Variants in ATR observed in about 807,000 individuals in gnomAD.
The protein encoded by ATR is ATR checkpoint kinase.
Under a neutral mutation model 305.3 loss-of-function variants are expected in ATR, and 142 were observed. The ratio of observed to expected loss-of-function variants is 0.47; its 90% CI spans 0.41 to 0.53. The LOEUF (loss-of-function observed/expected upper bound fraction) is 0.53, where lower values mean the gene tolerates loss of function less well. Among genes scored for constraint, ATR ranks in the 20% least tolerant of loss-of-function variants. The pLI is 0.00. For missense variants in ATR, 2,135 were observed against 3,133.1 expected, an observed-to-expected ratio of 0.68 and a Z score of 7.60; for synonymous variants, 1,050 against 1,068.1, an observed-to-expected ratio of 0.98 and a Z score of 0.33.
intron 46 of ATR, chr3:142,452,293 T>G: frequency 1.0e-6 from 1 of 990,788 alleles, no homozygotes; most frequent in Non-Finnish European, 1.2e-6. Context: ...ATTCATTGTA[T>G]TTAGTAAGCC....
rs1365867448 is a variant in ATR at position 142,562,631 on chromosome 3, C to A, written c.771G>T (p.Gln257His). 1 of 1,613,926 alleles carries A rather than the reference C, an allele frequency of 6.2e-7. No homozygotes were observed. The highest frequency in any genetic ancestry group is 8.5e-7 in the Non-Finnish European group (1 of 1,179,990). ...CTGGTTGTGCTGGTAGTCCTCCAAGCTGAAAAAGTTCTGTTAAAAAGCTAA... is the reference window on the plus strand; with the variant it reads ...CTGGTTGTGCTGGTAGTCCTCCAAGATGAAAAAGTTCTGTTAAAAAGCTAA... ...LAISFLTELF[Q>H]LGGLPAQPAS... Residue 257 changes from glutamine to histidine, a missense_variant, in exon 4 of 47, where the codon CAG (glutamine) becomes CAT (histidine). Around this residue, in one of 9 missense-constraint regions of ATR, gnomAD observed 744 missense variants for 873.2 expected, o/e 0.85. Transcript: ENST00000350721.
At chr3:142,544,090 T>C (rs920634064) in intron 16 of ATR, among the ~76,000 whole-genome samples, 2 of 152,138 alleles carry the variant, frequency 1.3e-5, no homozygotes, top group Admixed American at 6.6e-5. Flanking sequence ...ATAAGTTACT[T>C]AATTCTTCCA....
rs2031648536 is a variant in ATR, at chr3:142,496,402, C to T, written c.5857G>A (p.Ala1953Thr). ...ALLNAGESRL[A>T]ELYVERAKWL... ...TTTGCCCTTTCCACGTACAGTTCAG[C>T]GAGTCGTGATTCCCCTGCATTAAGG... Residue 1953 changes from alanine (A) to threonine (T), a missense_variant, in exon 34 of 47, where the codon GCT becomes ACT. Ala to Thr is a moderately conservative substitution (Grantham distance 58). This residue lies in a region of ATR where 462 missense variants were observed against 887.6 expected (regional missense o/e 0.52). Coordinates refer to ENST00000350721, the MANE Select transcript of ATR (RefSeq NM_001184.4). 5 of 1,594,604 alleles carry T rather than the reference C, an allele frequency of 3.1e-6. No homozygotes were observed. Among genetic ancestry groups the T allele is most frequent in the Non-Finnish European group, 3.4e-6 (4 of 1,171,526 alleles).
At chr3:142,463,152 T>C (rs1189946032) in intron 41 of ATR, among the ~76,000 whole-genome samples, 1 of 152,166 alleles carries the variant, frequency 6.6e-6, no homozygotes, top group African/African-American at 2.4e-5. Flanking sequence ...AAAACTATGT[T>C]AGTAAATATG....
At chr3:142,530,852 A>G (rs1274649067) in intron 21 of ATR, among the ~76,000 whole-genome samples, 6 of 152,184 alleles carry the variant, frequency 3.9e-5, no homozygotes, top group Non-Finnish European at 8.8e-5. Flanking sequence ...CCCTGTAGCC[A>G]GTAGTCTGAC....
At chr3:142,451,934 C>A (rs533588767) in intron 46 of ATR, 9 of 1,242,386 alleles carry the variant, frequency 7.2e-6, no homozygotes, top group Admixed American at 5.3e-5. Flanking sequence ...GTATCCAGTA[C>A]AAGCCAAGTA....
chr3:142,574,516 A>G (rs1235536846), intron 1 of ATR, among the ~76,000 whole-genome samples: 1 of 151,800 alleles, frequency 6.6e-6, no homozygotes, highest in Admixed American at 6.6e-5. Flanking sequence ...AGCACTTCTT[A>G]TTTTGTGACT....
At chr3:142,452,396 T>G in intron 46 of ATR, 1 of 982,928 alleles carries the variant, frequency 1.0e-6, no homozygotes, top group Non-Finnish European at 1.2e-6. Context: ...CTATCTGAGC[T>G]AGGCACAGTG....
At chr3:142,540,507 C>A (rs1313861238) in intron 18 of ATR, among the ~76,000 whole-genome samples, 1 of 152,046 alleles carries the variant, frequency 6.6e-6, no homozygotes, top group East Asian at 1.9e-4. Flanking sequence ...TATAATAATT[C>A]ATGAAGGTTA....
chr3:142,480,517 T>C (rs1177642380), intron 36 of ATR, among the ~76,000 whole-genome samples: 1 of 152,192 alleles, frequency 6.6e-6, no homozygotes, highest in East Asian at 1.9e-4. Context: ...GCCTCCCAGT[T>C]AGGCTACTCA....
At chr3:142,529,731 T>A (rs183446774) in intron 21 of ATR, among the ~76,000 whole-genome samples, 19 of 152,254 alleles carry the variant, frequency 1.2e-4, no homozygotes, top group Admixed American at 3.3e-4. Flanking sequence ...TTTGACATTT[T>A]AAAAAAATGC....
intron 24 of ATR, among the ~76,000 whole-genome samples, chr3:142,518,509 T>C (rs556813565): frequency 1.1e-4 from 16 of 152,302 alleles, no homozygotes; most frequent in Non-Finnish European, 1.8e-4. Context: ...AGAGTGAGAC[T>C]CTGTCTCAAA....
At chr3:142,499,969 A>G in intron 30 of ATR, 1 of 391,612 alleles carries the variant, frequency 2.6e-6, no homozygotes, top group Non-Finnish European at 4.7e-6. Flanking sequence ...TCAACAAATT[A>G]AAGTGTGCCA....
chr3:142,515,345 G>C, intron 25 of ATR, 50 bp downstream of exon 25: 1 of 1,605,744 alleles, frequency 6.2e-7, no homozygotes, highest in Non-Finnish European at 8.5e-7. Flanking sequence ...AGATGTTCTG[G>C]TTTCCTTTAG....
chr3:142,531,166 A>T (rs2033623484), intron 21 of ATR, among the ~76,000 whole-genome samples: 1 of 152,186 alleles, frequency 6.6e-6, no homozygotes, highest in Non-Finnish European at 1.5e-5. Flanking sequence ...ATGATATTTC[A>T]GGGGCTACAC....
chr3:142,451,229 A>G, intron 46 of ATR: 1 of 1,192,774 alleles, frequency 8.4e-7, no homozygotes, highest in Non-Finnish European at 1.1e-6. Flanking sequence ...GCACATCCAG[A>G]TGCAGGTGTG....
intron 36 of ATR, among the ~76,000 whole-genome samples, chr3:142,471,670 A>G (rs989727797): frequency 3.3e-5 from 5 of 152,202 alleles, no homozygotes; most frequent in African/African-American, 1.2e-4. Flanking sequence ...CATGTTTTGA[A>G]ACATGTATAC....
chr3:142,472,748 C>G (rs534723069), intron 36 of ATR, among the ~76,000 whole-genome samples: 1 of 152,284 alleles, frequency 6.6e-6, no homozygotes, highest in Non-Finnish European at 1.5e-5. Context: ...AGTGATGCCC[C>G]TGCCTCAGCC....
intron 36 of ATR, among the ~76,000 whole-genome samples, chr3:142,477,928 C>T (rs186166040): frequency 5.9e-5 from 9 of 151,314 alleles, no homozygotes; most frequent in African/African-American, 1.5e-4. Flanking sequence ...TCTGTGGGAT[C>T]GGTGATATCC....
Sources: gnomAD v4.1 joint callset for allele counts (sites outside exome capture counted in the v4.1 genomes callset) on GRCh38, gnomAD v4.1.1 for gene constraint, gnomAD v4.1.1 regional missense constraint, MANE v1.5 for transcripts, NCBI Gene and HGNC (gene_info 2026-07-23, HGNC 2026-07-21) for gene names.